Variants in MAPT observed in about 807,000 individuals in gnomAD.
The protein encoded by MAPT is microtubule associated protein tau.
A neutral mutation model predicts 67.9 loss-of-function variants in MAPT; 34 were observed. That is an observed-to-expected ratio of 0.50 (90% CI 0.38 to 0.67). The LOEUF (loss-of-function observed/expected upper bound fraction) is 0.67. Ranked by LOEUF, MAPT falls within the 30% of genes least tolerant of loss-of-function variation. MAPT has a pLI of 0.00. For missense variants in MAPT, 881 were observed against 1,115.2 expected (o/e 0.79, Z 2.99); for synonymous variants, 456 against 464.5 (o/e 0.98, Z 0.23).
intron 1 of MAPT, among the ~76,000 whole-genome samples, chr17:45,909,869 CAAAAAA>C (rs59131080): frequency 1.7e-5 from 1 of 59,860 alleles, no homozygotes; most frequent in Non-Finnish European, 3.0e-5. Flanking sequence ...GACTCTGTCT[CAAAAAA>C]AAAAAAAAAA....
chr17:45,900,734 A>G (rs1233225262), intron 1 of MAPT, among the ~76,000 whole-genome samples: 2 of 152,178 alleles, frequency 1.3e-5, no homozygotes, highest in East Asian at 3.9e-4. Flanking sequence ...GTAGGCTCTG[A>G]TCGGGCCTCC....
intron 1 of MAPT, among the ~76,000 whole-genome samples, chr17:45,940,318 G>A (rs1405203241): frequency 1.3e-5 from 2 of 152,198 alleles, no homozygotes; most frequent in African/African-American, 4.8e-5. Context: ...GCCCAATCTT[G>A]TCTGAATCCT....
chr17:45,902,333 G>A (rs754445802), intron 1 of MAPT, among the ~76,000 whole-genome samples: 6 of 152,110 alleles, frequency 3.9e-5, no homozygotes, highest in Non-Finnish European at 8.8e-5. Context: ...GCCTCCCAAA[G>A]TGCTGGGATT....
intron 1 of MAPT, among the ~76,000 whole-genome samples, chr17:45,957,988 T>C (rs1308692100): frequency 2.0e-5 from 3 of 152,090 alleles, no homozygotes; most frequent in African/African-American, 7.2e-5. Flanking sequence ...CAGGAGGCTC[T>C]AGCAAAATTG....
chr17:45,958,970 G>A (rs1307592436), intron 1 of MAPT, among the ~76,000 whole-genome samples: 1 of 152,170 alleles, frequency 6.6e-6, no homozygotes, highest in Non-Finnish European at 1.5e-5. Flanking sequence ...GGCTGAGACA[G>A]GAGAATTGCT....
intron 1 of MAPT, among the ~76,000 whole-genome samples, chr17:45,903,956 ATAT>A (rs2063889412): frequency 4.9e-5 from 1 of 20,482 alleles, no homozygotes; most frequent in African/African-American, 1.6e-4. Flanking sequence ...TATATATTAT[ATAT>A]TATATATTAT....
chr17:45,971,242 C>T lies in MAPT; in HGVS notation c.134-617C>T, dbSNP rs2071628638. Among the ~76,000 whole-genome samples, 1 of 152,168 alleles carries T rather than the reference C, an allele frequency of 6.6e-6. No individual in the cohort carries two copies. The highest frequency in any genetic ancestry group is 2.4e-5 in the African/African-American group (1 of 41,452). Reference sequence around the variant, plus strand: ...ACTGTGATCATTTGGGCCTCTCTTGCCCAGGCTTCCCATTCTGAAAGGACA... The same window carrying T: ...ACTGTGATCATTTGGGCCTCTCTTGTCCAGGCTTCCCATTCTGAAAGGACA... On this transcript the variant is annotated intron_variant, in intron 2 of 12. Transcript: ENST00000262410. This position sits in a 1 kb window ranked among gnomAD's most constrained non-coding sequence, Gnocchi z 4.3.
At chr17:45,956,208 TG>T (rs1401493213) in intron 1 of MAPT, among the ~76,000 whole-genome samples, 1 of 152,142 alleles carries the variant, frequency 6.6e-6, no homozygotes, top group African/African-American at 2.4e-5. Flanking sequence ...AGCTGAAGGA[TG>T]GGGGTGCAGT....
In MAPT at chr17:45,976,367, TG is replaced by T. The variant is rs1274578379; in HGVS notation, c.221-2002del. 2.7e-5 allele frequency: 4 copies of T among 150,904 alleles called. No individual in the cohort carries two copies. In the South Asian group the frequency reaches 6.6e-4, roughly 25 times the overall value. The allele number at this position is 150,904 out of a possible 1,614,324, so 9.3% of individuals were successfully genotyped here. A position where few individuals can be genotyped will look rare whatever the true frequency, so the allele number is the denominator to read the frequency against. On this transcript the variant is annotated intron_variant, in intron 3 of 12. Transcript: ENST00000262410. ...TGAAACAGTTGTGCTGGGACTGTGA[TG>T]GGGGGTGGCCATGTAGCCACCCCCA...
intron 9 of MAPT, among the ~76,000 whole-genome samples, chr17:46,008,443 T>C (rs2075599484): frequency 6.6e-6 from 1 of 152,178 alleles, no homozygotes; most frequent in African/African-American, 2.4e-5. Context: ...ACAATAATTC[T>C]ACCAAGTATA....
In MAPT at chr17:45,961,999, C is replaced by T. The variant is rs242554; in HGVS notation, c.-17-322C>T. On this transcript the variant is annotated intron_variant, in intron 1 of 12. Coordinates refer to ENST00000262410, the MANE Select transcript of MAPT (RefSeq NM_001377265.1). Reference sequence around the variant, plus strand: ...CATGTTGGCCAGGCTGGTCTCGATCCCCTGACCTCAGGTGATCCACCCACC... The same window carrying T: ...CATGTTGGCCAGGCTGGTCTCGATCTCCTGACCTCAGGTGATCCACCCACC... 0.34 allele frequency among the ~76,000 whole-genome samples: 52,401 copies of T among 151,904 alleles called. 10,831 individuals are homozygous for T. The highest frequency in any genetic ancestry group is 0.62 in the East Asian group (3,174 of 5,144).
intron 2 of MAPT, among the ~76,000 whole-genome samples, chr17:45,968,218 AC>A (rs67288720): frequency 3.9e-4 from 59 of 151,754 alleles, no homozygotes; most frequent in Non-Finnish European, 6.6e-4. Context: ...ACAAAAAAAA[AC>A]CCCACCATTC....
intron 1 of MAPT, among the ~76,000 whole-genome samples, chr17:45,950,330 G>A (rs60877191): frequency 0.059 from 9,052 of 152,174 alleles, 881 homozygotes; most frequent in African/African-American, 0.2. Context: ...AACACCTCAG[G>A]GGACAGCCAA....
chr17:46,019,262 T>C (rs1006095762), intron 12 of MAPT, among the ~76,000 whole-genome samples: 1 of 151,922 alleles, frequency 6.6e-6, no homozygotes, highest in Non-Finnish European at 1.5e-5. Context: ...TTCACTATCA[T>C]GAGAACAGCA....
intron 10 of MAPT, among the ~76,000 whole-genome samples, chr17:46,012,074 G>A (rs919013859): frequency 6.6e-6 from 1 of 152,208 alleles, no homozygotes; most frequent in Admixed American, 6.5e-5. Flanking sequence ...GCTGTTTTCA[G>A]CTGTTTGAGC....
In MAPT at chr17:46,006,871, C is replaced by G. The variant is rs140993630; in HGVS notation, c.1999-3439C>G. Among the ~76,000 whole-genome samples the G allele has an allele frequency of 1.4e-3, 208 of 150,740 alleles. 2 individuals carry two copies. The highest frequency in any genetic ancestry group is 2.1e-3 in the African/African-American group (85 of 40,956). On this transcript the variant is annotated intron_variant, in intron 9 of 12. Coordinates refer to ENST00000262410, the MANE Select transcript of MAPT (RefSeq NM_001377265.1). Reference sequence around the variant, plus strand: ...CCGGGAGGCGGAGCTTGCAGTGAGCCGAGATCGCGCCACTGCACTCCAGCC... The same window carrying G: ...CCGGGAGGCGGAGCTTGCAGTGAGCGGAGATCGCGCCACTGCACTCCAGCC...
At chr17:46,023,350 G>A (rs1162092317) in intron 12 of MAPT, among the ~76,000 whole-genome samples, 1 of 152,196 alleles carries the variant, frequency 6.6e-6, no homozygotes, top group Non-Finnish European at 1.5e-5. Flanking sequence ...ATGCCTTTTG[G>A]TACATCCGTG....
chr17:45,927,606 G>A (rs771917285), intron 1 of MAPT, among the ~76,000 whole-genome samples: 1 of 152,090 alleles, frequency 6.6e-6, no homozygotes, highest in Non-Finnish European at 1.5e-5. Context: ...TTGCCAGCAT[G>A]TAGAAAGTTT....
intron 1 of MAPT, among the ~76,000 whole-genome samples, chr17:45,927,772 G>A (rs546210564): frequency 6.6e-6 from 1 of 151,974 alleles, no homozygotes; most frequent in African/African-American, 2.4e-5. Flanking sequence ...AGGCCAAGGT[G>A]GGTGGATCAC....
Sources: allele counts gnomAD v4.1 joint callset (sites outside exome capture counted in the v4.1 genomes callset), GRCh38; gene constraint gnomAD v4.1.1; non-coding constraint Gnocchi (gnomAD v3.1); transcripts MANE v1.5; gene names NCBI Gene and HGNC (gene_info 2026-07-23, HGNC 2026-07-21).